Variants in BCL7C observed in about 807,000 individuals in gnomAD.
BCL7C encodes the protein B-cell CLL/lymphoma 7 protein family member C.
BCL7C carries 8 observed loss-of-function variants against 26.2 expected under a neutral mutation model. The ratio of observed to expected loss-of-function variants is 0.30; its 90% CI spans 0.18 to 0.55. The LOEUF (loss-of-function observed/expected upper bound fraction) is 0.55, where lower values mean the gene tolerates loss of function less well. BCL7C is among the 20% of genes least tolerant of loss of function. The probability of loss-of-function intolerance (pLI) is 0.93; values close to 1 mark genes in which losing one functional copy is unlikely to be tolerated. For missense variants in BCL7C, 262 were observed against 298.5 expected, an observed-to-expected ratio of 0.88 and a Z score of 0.90; for synonymous variants, 90 against 116.5, an observed-to-expected ratio of 0.77 and a Z score of 1.47.
downstream of BCL7C, among the ~76,000 whole-genome samples, chr16:30,886,001 A>C (rs1420233728): frequency 3.3e-5 from 5 of 151,898 alleles, no homozygotes; most frequent in East Asian, 9.6e-4. Context: ...ACAGGCGCGC[A>C]CCAGTATGCC....
intron 5 of BCL7C, among the ~76,000 whole-genome samples, chr16:30,837,632 G>T (rs1395647957): frequency 1.3e-5 from 2 of 152,222 alleles, no homozygotes; most frequent in African/African-American, 4.8e-5. Flanking sequence ...ACAGGCGTGA[G>T]CCACTGAGCC....
chr16:30,849,380 T>C (rs2054656623), intron 5 of BCL7C, among the ~76,000 whole-genome samples: 1 of 152,086 alleles, frequency 6.6e-6, no homozygotes, highest in African/African-American at 2.4e-5. Flanking sequence ...AAATGTCTTT[T>C]GTATCTAGTA....
chr16:30,858,654 C>T (rs541678388), intron 5 of BCL7C, among the ~76,000 whole-genome samples: 33 of 152,122 alleles, frequency 2.2e-4, no homozygotes, highest in Non-Finnish European at 4.0e-4. Flanking sequence ...ATTAATGAGA[C>T]ACTCGGAGAT....
At chr16:30,872,717 C>G (rs2054892293) in intron 5 of BCL7C, among the ~76,000 whole-genome samples, 1 of 152,172 alleles carries the variant, frequency 6.6e-6, no homozygotes, top group Non-Finnish European at 1.5e-5. Flanking sequence ...TCCCCACCCC[C>G]TATCCTACTT....
intron 5 of BCL7C, chr16:30,851,245 A>ATTT: frequency 3.4e-5 from 8 of 235,554 alleles, no homozygotes; most frequent in South Asian, 1.6e-4. Context: ...TTCGTTCAAC[A>ATTT]TTTTTTTTTT....
At chr16:30,865,555 G>A (rs985137445) in intron 5 of BCL7C, among the ~76,000 whole-genome samples, 1 of 151,938 alleles carries the variant, frequency 6.6e-6, no homozygotes, top group Non-Finnish European at 1.5e-5. Flanking sequence ...TCCAGCCCAG[G>A]TGACAGAATG....
At chr16:30,845,714 CTT>C (rs755178158) in intron 5 of BCL7C, among the ~76,000 whole-genome samples, 13 of 146,050 alleles carry the variant, frequency 8.9e-5, no homozygotes, top group Admixed American at 2.7e-4. Context: ...TTTCTGCATT[CTT>C]TTTTTTTTTT....
Position 30,893,673 on chromosome 16 carries a change from G to A in BCL7C, c.92+180C>T, listed in dbSNP as rs554016728. 8.7e-4 allele frequency among the ~76,000 whole-genome samples: 132 copies of A among 152,224 alleles called. 1 individual carries two copies. Among genetic ancestry groups the A allele is most frequent in the African/African-American group, 3.1e-3 (129 of 41,536 alleles). On this transcript the variant is annotated intron_variant, in intron 1 of 5. Coordinates refer to ENST00000215115, the MANE Select transcript of BCL7C (RefSeq NM_004765.4). This position sits in a 1 kb window ranked among gnomAD's most constrained non-coding sequence, Gnocchi z 5.2. ...CTGGGAGGACACGGCTGGGGATCACGCTTTGTAGACCCCCAGGAGTAGCCA... is the reference window on the plus strand; with the variant it reads ...CTGGGAGGACACGGCTGGGGATCACACTTTGTAGACCCCCAGGAGTAGCCA...
chr16:30,856,681 A>G (rs973759379), intron 5 of BCL7C, among the ~76,000 whole-genome samples: 3 of 152,156 alleles, frequency 2.0e-5, no homozygotes, highest in Admixed American at 1.3e-4. Flanking sequence ...GCCTTTCACA[A>G]ATGACTCCCA....
At chr16:30,884,119 C>T (rs550139134), downstream of BCL7C, among the ~76,000 whole-genome samples, 22 of 143,814 alleles carry the variant, frequency 1.5e-4, no homozygotes, top group South Asian at 4.4e-3. Context: ...AGCGAAACTC[C>T]GTCTCAAAAA....
Position 30,844,887 on chromosome 16 carries a change from G to A in BCL7C, c.529-9739C>T, listed in dbSNP as rs139280658. On this transcript the variant is annotated intron_variant, in intron 5 of 5. Coordinates refer to the BCL7C transcript ENST00000380317. ...TTATGCTTTGTCAGTAGAGGGCGCTGGTGGGACATTGCAAGAAGAAGGGGA... is the reference window on the plus strand; with the variant it reads ...TTATGCTTTGTCAGTAGAGGGCGCTAGTGGGACATTGCAAGAAGAAGGGGA... 1.5e-3 allele frequency among the ~76,000 whole-genome samples: 232 copies of A among 152,304 alleles called. 7 individuals carry two copies. Among genetic ancestry groups the A allele is most frequent in the African/African-American group, 5.0e-3 (209 of 41,570 alleles).
intron 5 of BCL7C, among the ~76,000 whole-genome samples, chr16:30,853,376 A>G (rs950141818): frequency 7.2e-5 from 11 of 152,140 alleles, no homozygotes; most frequent in African/African-American, 2.2e-4. Context: ...CCACTTCCAC[A>G]TCGTGCCCCA....
chr16:30,835,069 C>T (rs1370975701), exon 6 of BCL7C: 2 of 1,548,096 alleles, frequency 1.3e-6, no homozygotes, highest in African/African-American at 1.4e-5. Flanking sequence ...GAGGCCCCTC[C>T]TGGGCAGGAG....
In BCL7C at chr16:30,834,905, C is replaced by T. The variant is rs1209249579; in HGVS notation, c.*43G>A. The T allele has an allele frequency of 4.1e-6, 6 of 1,459,490 alleles. No individual in the cohort carries two copies. The African/African-American group carries it at 4.3e-5, about 10-fold the overall frequency. The allele number at this position is 1,459,490 out of a possible 1,614,324, so 90.4% of individuals were successfully genotyped here. A position where few individuals can be genotyped will look rare whatever the true frequency, so the allele number is the denominator to read the frequency against. On this transcript the variant is annotated 3_prime_UTR_variant, in exon 6 of 6. Transcript: ENST00000380317. The surrounding 1 kb of genome is among the most constrained non-coding windows in gnomAD (Gnocchi z 4.3). ...AGGTAGTGGCTGGATCTTGGGGCAG[C>T]CAAGGGAGGCTTTAGGGGTCTTGGC...
chr16:30,841,340 T>C (rs1374940481), intron 5 of BCL7C, among the ~76,000 whole-genome samples: 1 of 152,136 alleles, frequency 6.6e-6, no homozygotes, highest in South Asian at 2.1e-4. Flanking sequence ...AGGTAATTTG[T>C]TGGGAGCCGA....
intron 5 of BCL7C, among the ~76,000 whole-genome samples, chr16:30,860,549 T>G (rs115181659): frequency 0.022 from 3,378 of 152,274 alleles, 112 homozygotes; most frequent in African/African-American, 0.072. Flanking sequence ...TATTTTCTTC[T>G]GCAATACAGC....
intron 5 of BCL7C, among the ~76,000 whole-genome samples, chr16:30,849,048 G>A (rs1045601799): frequency 2.0e-5 from 3 of 151,940 alleles, no homozygotes; most frequent in African/African-American, 4.8e-5. Context: ...TTAACCAGGC[G>A]TGGTGGTGGG....
intron 5 of BCL7C, among the ~76,000 whole-genome samples, chr16:30,860,448 C>T (rs574516005): frequency 8.5e-5 from 13 of 152,212 alleles, no homozygotes; most frequent in South Asian, 6.2e-4. Context: ...GGCAAGCTTC[C>T]GCCCTCCATT....
intron 5 of BCL7C, among the ~76,000 whole-genome samples, chr16:30,849,196 A>T (rs1426279005): frequency 6.6e-6 from 1 of 151,980 alleles, no homozygotes; most frequent in African/African-American, 2.4e-5. Context: ...CAAAAAAAAA[A>T]AAAGAAAAAG....
Sources: allele counts gnomAD v4.1 joint callset (sites outside exome capture counted in the v4.1 genomes callset), GRCh38; gene constraint gnomAD v4.1.1; non-coding constraint Gnocchi (gnomAD v3.1); transcripts MANE v1.5; gene names NCBI Gene and HGNC (gene_info 2026-07-23, HGNC 2026-07-21).